ANO4: variants seen among roughly 807,000 people sequenced by gnomAD.
ANO4 encodes anoctamin-4.
Under a neutral mutation model 141.9 loss-of-function variants are expected in ANO4, and 69 were observed. The ratio of observed to expected loss-of-function variants is 0.49; its 90% CI spans 0.40 to 0.59. The LOEUF is 0.59. Ranked by LOEUF, ANO4 falls within the 20% of genes least tolerant of loss-of-function variation. The pLI, the probability that ANO4 is intolerant of heterozygous loss-of-function variation, is 0.00. For synonymous variants in ANO4, 350 were observed against 394.3 expected (o/e 0.89, Z 1.33); for missense variants, 894 against 1,162.2 (o/e 0.77, Z 3.36).
intron 1 of ANO4, among the ~76,000 whole-genome samples, chr12:100,874,407 G>T (rs1299304539): frequency 6.6e-6 from 1 of 152,246 alleles, no homozygotes; most frequent in East Asian, 1.9e-4. Context: ...TCCCTGTATA[G>T]CCACAGGGGC....
chr12:100,847,726 C>T (rs1410794561), intron 1 of ANO4, among the ~76,000 whole-genome samples: 5 of 152,142 alleles, frequency 3.3e-5, no homozygotes, highest in Non-Finnish European at 5.9e-5. Flanking sequence ...CTGCCTCGGC[C>T]TCCCAAAGTG....
intron 14 of ANO4, among the ~76,000 whole-genome samples, chr12:101,078,834 A>C (rs2049129510): frequency 6.6e-6 from 1 of 152,178 alleles, no homozygotes; most frequent in African/African-American, 2.4e-5. Context: ...GAAAAAATAA[A>C]ATAAAAAAAA....
At position 101,110,565 on chromosome 12, in the gene ANO4, G is replaced by A. The variant is rs1220688039; in HGVS notation, c.2302+9G>A. ...AAGGGCCAAAGACATAGGTAAGTTGGATTTGGGTATGTTTTTAAAAAACAT... is the reference window on the plus strand; with the variant it reads ...AAGGGCCAAAGACATAGGTAAGTTGAATTTGGGTATGTTTTTAAAAAACAT... On this transcript the variant is annotated intron_variant, in intron 23 of 27. Coordinates refer to ENST00000392977, the MANE Select transcript of ANO4 (RefSeq NM_001286615.2). 1 of 1,543,820 alleles carries A rather than the reference G, an allele frequency of 6.5e-7. No homozygotes were observed. The highest frequency in any genetic ancestry group is 8.7e-7 in the Non-Finnish European group (1 of 1,147,782).
At chr12:100,730,275 G>A (rs1376220142) in intron 1 of ANO4, among the ~76,000 whole-genome samples, 4 of 152,028 alleles carry the variant, frequency 2.6e-5, no homozygotes, top group Non-Finnish European at 5.9e-5. Context: ...TGGATTTCAT[G>A]TAGCTGATTT....
chr12:100,805,044 G>A lies in ANO4; in HGVS notation c.-141+10017G>A, dbSNP rs139902695. Among the ~76,000 whole-genome samples, 4 of 152,266 alleles carry A rather than the reference G, an allele frequency of 2.6e-5. No individual in the cohort carries two copies. In the East Asian group the frequency reaches 7.7e-4, roughly 29 times the overall value. ...TTTGCCCATGCCTGTGTCCTGAATG[G>A]TATTGCCTAGGTTTTCTTCTAGGGT... On this transcript the variant is annotated intron_variant, in intron 1 of 27. Coordinates refer to ENST00000392977, the MANE Select transcript of ANO4 (RefSeq NM_001286615.2).
At chr12:100,733,703 A>T in intron 1 of ANO4, 1 of 653,814 alleles carries the variant, frequency 1.5e-6, no homozygotes, top group Non-Finnish European at 2.8e-6. Flanking sequence ...ACCACCAGTC[A>T]TATATTTACA....
chr12:100,903,452 T>G (rs2040689559), intron 2 of ANO4, among the ~76,000 whole-genome samples: 1 of 152,206 alleles, frequency 6.6e-6, no homozygotes, highest in Admixed American at 6.5e-5. Context: ...AGGGTCCAGT[T>G]CAAACTTCTT....
chr12:100,783,261 G>A (rs187320180), intron 3 of ANO4, among the ~76,000 whole-genome samples: 384 of 152,228 alleles, frequency 2.5e-3, no homozygotes, highest in African/African-American at 9.0e-3. Flanking sequence ...GTTGGGATGA[G>A]GTAATGGCCA....
chr12:100,841,060 G>C (rs995264617), intron 1 of ANO4, among the ~76,000 whole-genome samples: 1 of 151,910 alleles, frequency 6.6e-6, no homozygotes, highest in Non-Finnish European at 1.5e-5. Context: ...TGAGCAATGG[G>C]AACACCTTTA....
intron 24 of ANO4, 86 bp from the exon 25 acceptor site, chr12:101,116,593 T>G (rs349661): frequency 0.78 from 1,236,664 of 1,585,184 alleles, 486,723 homozygotes; most frequent in African/African-American, 0.95. Flanking sequence ...ACAATTGCAG[T>G]GACGTCTGGG....
chr12:100,911,684 G>A (rs754204901), intron 2 of ANO4, among the ~76,000 whole-genome samples: 1 of 152,036 alleles, frequency 6.6e-6, no homozygotes, highest in Non-Finnish European at 1.5e-5. Flanking sequence ...CTCAAATTAG[G>A]GAACAGACTG....
At chr12:100,728,257 T>G (rs918287942) in intron 1 of ANO4, among the ~76,000 whole-genome samples, 2 of 152,216 alleles carry the variant, frequency 1.3e-5, no homozygotes, top group African/African-American at 4.8e-5. Flanking sequence ...AAGATTGTGT[T>G]GTTTATGAAC....
intron 14 of ANO4, among the ~76,000 whole-genome samples, chr12:101,072,433 A>G (rs554757145): frequency 2.0e-4 from 30 of 152,330 alleles, no homozygotes; most frequent in African/African-American, 7.0e-4. Context: ...GCCTGCCACA[A>G]ATTTATTTGA....
intron 5 of ANO4, among the ~76,000 whole-genome samples, chr12:100,956,185 A>G (rs2043167799): frequency 6.6e-6 from 1 of 152,212 alleles, no homozygotes; most frequent in Admixed American, 6.5e-5. Context: ...TTATATTTAA[A>G]TAAGAATCAT....
intron 8 of ANO4, among the ~76,000 whole-genome samples, chr12:101,011,088 G>C (rs1427757283): frequency 6.6e-6 from 1 of 152,142 alleles, no homozygotes; most frequent in Non-Finnish European, 1.5e-5. Flanking sequence ...CATCTTCAAA[G>C]AGGCTCGTTT....
chr12:100,722,804 T>C (rs962110173), intron 1 of ANO4, among the ~76,000 whole-genome samples: 1 of 152,116 alleles, frequency 6.6e-6, no homozygotes, highest in African/African-American at 2.4e-5. Context: ...CATGTGGAAG[T>C]TTTAAAAACT....
intron 3 of ANO4, among the ~76,000 whole-genome samples, chr12:100,777,913 C>T (rs7964708): frequency 0.67 from 100,023 of 149,380 alleles, 33,695 homozygotes; most frequent in East Asian, 0.79. Flanking sequence ...GAAGATAATG[C>T]TTACAATTTT....
At position 100,749,312 on chromosome 12, in the gene ANO4, C is replaced by T. The variant is rs150654003; in HGVS notation, c.358+9207C>T. On this transcript the variant is annotated intron_variant, in intron 3 of 29. Coordinates refer to the ANO4 transcript ENST00000644049. The stretch of plus-strand genomic sequence containing the variant: ...TTGTGAGCAAGCCCAGAATTTTAAC[C>T]TCCATGTATACTACTTCTCTGTGAA... Among the ~76,000 whole-genome samples the T allele has an allele frequency of 1.0e-3, 157 of 152,312 alleles. 1 individual carries two copies. Among genetic ancestry groups the T allele is most frequent in the Middle Eastern group, 6.8e-3 (2 of 294 alleles).
intron 14 of ANO4, among the ~76,000 whole-genome samples, chr12:101,077,064 A>G (rs1467426052): frequency 1.3e-5 from 2 of 152,306 alleles, no homozygotes; most frequent in South Asian, 2.1e-4. Context: ...TGCATAAACT[A>G]CATGTGCCAA....
Sources: gnomAD v4.1 joint callset for allele counts (sites outside exome capture counted in the v4.1 genomes callset) on GRCh38, gnomAD v4.1.1 for gene constraint, MANE v1.5 for transcripts, NCBI Gene and HGNC (gene_info 2026-07-23, HGNC 2026-07-21) for gene names.